The following ST6GALNAC3 variants were observed in gnomAD, a reference collection of about 807,000 sequenced individuals.
ST6GALNAC3 encodes ST6 N-acetylgalactosaminide alpha-2,6-sialyltransferase 3.
ST6GALNAC3 carries 25 observed loss-of-function variants against 32.7 expected under a neutral mutation model. That is an observed-to-expected ratio of 0.76 (90% CI 0.56 to 1.07). The LOEUF is 1.07. ST6GALNAC3 is among the 50% of genes least tolerant of loss of function. The probability of loss-of-function intolerance (pLI) is 0.00; values close to 1 mark genes in which losing one functional copy is unlikely to be tolerated. For missense variants in ST6GALNAC3, 355 were observed against 382.4 expected (o/e 0.93, Z 0.60); for synonymous variants, 129 against 133.1 (o/e 0.97, Z 0.21).
intron 3 of ST6GALNAC3, among the ~76,000 whole-genome samples, chr1:76,451,598 AAT>A (rs1275853887): frequency 6.6e-6 from 1 of 152,026 alleles, no homozygotes; most frequent in Admixed American, 6.6e-5. Flanking sequence ...TTTTTTCAGC[AAT>A]GTTTTGTAGT....
rs559862460 is a variant in ST6GALNAC3, at chr1:76,402,431, G to A, written c.214-9577G>A. ...CACCATTTCCTTCCACTTTCAGTGT[G>A]GAATCCAGTTGCTAGTGCCCATGAC... On this transcript the variant is annotated intron_variant, in intron 2 of 4. Coordinates refer to ENST00000328299, the MANE Select transcript of ST6GALNAC3 (RefSeq NM_152996.4). Among the ~76,000 whole-genome samples the A allele has an allele frequency of 2.0e-4, 31 of 152,186 alleles. 1 individual carries two copies. In the South Asian group the frequency reaches 6.4e-3, roughly 32 times the overall value.
At chr1:76,304,893 C>T (rs537410831) in intron 1 of ST6GALNAC3, among the ~76,000 whole-genome samples, 2 of 152,008 alleles carry the variant, frequency 1.3e-5, no homozygotes, top group Admixed American at 6.6e-5. Context: ...AAGAGACAAA[C>T]TCATCTCGTT....
chr1:76,350,448 A>G (rs560088048), intron 2 of ST6GALNAC3, among the ~76,000 whole-genome samples: 1 of 152,366 alleles, frequency 6.6e-6, no homozygotes, highest in South Asian at 2.1e-4. Context: ...TTTTAAAGGA[A>G]TAACTACTGA....
intron 1 of ST6GALNAC3, among the ~76,000 whole-genome samples, chr1:76,112,542 G>T (rs552906519): frequency 2.0e-4 from 31 of 151,816 alleles, no homozygotes; most frequent in African/African-American, 7.2e-4. Context: ...CCTCCCGGAC[G>T]GGGTGGCTGC....
intron 2 of ST6GALNAC3, among the ~76,000 whole-genome samples, chr1:76,371,718 T>C (rs1298046772): frequency 6.6e-6 from 1 of 152,170 alleles, no homozygotes; most frequent in Admixed American, 6.5e-5. Flanking sequence ...TGTTCTGGTT[T>C]CCAAAGCAGC....
At chr1:76,153,984 G>A (rs1430903033) in intron 1 of ST6GALNAC3, among the ~76,000 whole-genome samples, 2 of 152,186 alleles carry the variant, frequency 1.3e-5, no homozygotes, top group African/African-American at 4.8e-5. Context: ...ACAGTGATGA[G>A]TTGCCTGTCC....
chr1:76,507,308 T>A (rs1661537948), intron 3 of ST6GALNAC3, among the ~76,000 whole-genome samples: 1 of 152,206 alleles, frequency 6.6e-6, no homozygotes, highest in Non-Finnish European at 1.5e-5. Context: ...TGCTATATAA[T>A]TTACCCATTT....
chr1:76,350,024 G>C lies in ST6GALNAC3; in HGVS notation c.213+36025G>C, dbSNP rs574271323. Among the ~76,000 whole-genome samples the C allele has an allele frequency of 2.0e-5, 3 of 152,098 alleles. No individual in the cohort carries two copies. In the East Asian group the frequency reaches 5.8e-4, roughly 29 times the overall value. The stretch of plus-strand genomic sequence containing the variant: ...ATAAAAGTTGAAAAATGGTATACAA[G>C]ATTTATTTTATAATGTCGCTTAGAA... On this transcript the variant is annotated intron_variant, in intron 2 of 4. Coordinates refer to ENST00000328299, the MANE Select transcript of ST6GALNAC3 (RefSeq NM_152996.4).
intron 2 of ST6GALNAC3, among the ~76,000 whole-genome samples, chr1:76,361,560 G>A (rs992618560): frequency 1.3e-5 from 2 of 152,016 alleles, no homozygotes; most frequent in East Asian, 1.9e-4. Flanking sequence ...TACAGTTTCT[G>A]TATCAGTTCC....
intron 3 of ST6GALNAC3, among the ~76,000 whole-genome samples, chr1:76,555,925 A>C (rs188788): frequency 0.061 from 9,247 of 152,154 alleles, 959 homozygotes; most frequent in African/African-American, 0.21. Context: ...GGCATATGAT[A>C]CTGTGTTTTT....
chr1:76,085,036 C>T (rs1251578), intron 1 of ST6GALNAC3, among the ~76,000 whole-genome samples: 33,978 of 152,010 alleles, frequency 0.22, 4,066 homozygotes, highest in Middle Eastern at 0.37. Context: ...AGAACAAGCC[C>T]GGCTTGCTGC....
intron 1 of ST6GALNAC3, among the ~76,000 whole-genome samples, chr1:76,144,812 T>A (rs1003692203): frequency 4.6e-5 from 7 of 152,358 alleles, no homozygotes; most frequent in African/African-American, 1.7e-4. Context: ...AAACATTGGT[T>A]ACCAACTGGT....
intron 2 of ST6GALNAC3, among the ~76,000 whole-genome samples, chr1:76,366,404 G>C (rs1650376615): frequency 6.6e-6 from 1 of 152,132 alleles, no homozygotes; most frequent in Non-Finnish European, 1.5e-5. Context: ...TGCAAAAAAT[G>C]TGCCTAGTCA....
intron 3 of ST6GALNAC3, among the ~76,000 whole-genome samples, chr1:76,447,172 A>G (rs1178385696): frequency 6.6e-6 from 1 of 152,166 alleles, no homozygotes; most frequent in Non-Finnish European, 1.5e-5. Context: ...GGAGATGAGG[A>G]ACTTGTTGGG....
chr1:76,601,012 C>T (rs1221157481), intron 3 of ST6GALNAC3, among the ~76,000 whole-genome samples: 1 of 152,056 alleles, frequency 6.6e-6, no homozygotes, highest in Non-Finnish European at 1.5e-5. Flanking sequence ...TGAGGTAAGA[C>T]TCCATCTCTA....
At chr1:76,211,786 G>A (rs983986142) in intron 1 of ST6GALNAC3, among the ~76,000 whole-genome samples, 2 of 152,058 alleles carry the variant, frequency 1.3e-5, no homozygotes, top group Admixed American at 6.5e-5. Context: ...GGCCTGTTGT[G>A]GGGTGGGGGG....
intron 1 of ST6GALNAC3, among the ~76,000 whole-genome samples, chr1:76,286,070 A>G (rs985761811): frequency 6.6e-6 from 1 of 152,344 alleles, no homozygotes; most frequent in Admixed American, 6.5e-5. Context: ...GGAGGCAGCC[A>G]TCAGCTTGGT....
At chr1:76,311,262 C>T (rs529431718) in intron 1 of ST6GALNAC3, among the ~76,000 whole-genome samples, 2 of 139,240 alleles carry the variant, frequency 1.4e-5, no homozygotes, top group South Asian at 4.8e-4. Flanking sequence ...ATAACTTCCC[C>T]CCACCCCGCC....
intron 3 of ST6GALNAC3, among the ~76,000 whole-genome samples, chr1:76,438,654 T>C (rs893958700): frequency 5.3e-5 from 8 of 152,186 alleles, no homozygotes. Context: ...CTTGCCTTTA[T>C]GCTCCTGAAT....
Sources: allele counts gnomAD v4.1 joint callset (sites outside exome capture counted in the v4.1 genomes callset), GRCh38; gene constraint gnomAD v4.1.1; transcripts MANE v1.5; gene names NCBI Gene and HGNC (gene_info 2026-07-23, HGNC 2026-07-21).